The following KCNN2 variants were observed in gnomAD, a reference collection of about 807,000 sequenced individuals.
KCNN2 encodes the protein small conductance calcium-activated potassium channel protein 2.
In KCNN2, 24 loss-of-function variants were observed where a neutral mutation model predicts 55.5. That is an observed-to-expected ratio of 0.43 (90% CI 0.31 to 0.61). KCNN2 has a LOEUF of 0.61. Among genes scored for constraint, KCNN2 ranks in the 20% least tolerant of loss-of-function variants. KCNN2 has a pLI of 0.08. For synonymous variants in KCNN2, 431 were observed against 336.1 expected (o/e 1.28, Z -3.09); for missense variants, 754 against 853.6 (o/e 0.88, Z 1.45).
chr5:114,135,564 G>A (rs903268226), intron 1 of KCNN2, among the ~76,000 whole-genome samples: 5 of 152,098 alleles, frequency 3.3e-5, no homozygotes, highest in Admixed American at 1.3e-4. Flanking sequence ...ACCAATATCA[G>A]GGTTTCTTAA....
chr5:114,185,154 A>G (rs1048797712), intron 1 of KCNN2, among the ~76,000 whole-genome samples: 1 of 152,238 alleles, frequency 6.6e-6, no homozygotes, highest in African/African-American at 2.4e-5. Context: ...GGTTAAAAGG[A>G]AAGAGAGGAA....
chr5:114,365,898 A>T (rs926054259), intron 2 of KCNN2, among the ~76,000 whole-genome samples: 3 of 152,200 alleles, frequency 2.0e-5, no homozygotes, highest in Non-Finnish European at 4.4e-5. Context: ...TCCTTGTGAA[A>T]ATCACACAGC....
intron 2 of KCNN2, among the ~76,000 whole-genome samples, chr5:114,255,079 G>T (rs950934367): frequency 3.9e-5 from 6 of 152,198 alleles, no homozygotes; most frequent in Non-Finnish European, 4.4e-5. Context: ...AGGTATTTAT[G>T]CAGAGAAAAG....
At chr5:114,273,637 G>C (rs1176178653) in intron 2 of KCNN2, among the ~76,000 whole-genome samples, 1 of 152,154 alleles carries the variant, frequency 6.6e-6, no homozygotes, top group Non-Finnish European at 1.5e-5. Context: ...TCTGTTGGCT[G>C]CACAGATGTT....
At chr5:114,248,253 C>G (rs187084381) in intron 2 of KCNN2, among the ~76,000 whole-genome samples, 1 of 152,100 alleles carries the variant, frequency 6.6e-6, no homozygotes, top group Non-Finnish European at 1.5e-5. Context: ...GTGTCATCCT[C>G]TTAATGATAT....
At chr5:114,290,536 A>G (rs1272028393) in intron 2 of KCNN2, among the ~76,000 whole-genome samples, 18 of 151,612 alleles carry the variant, frequency 1.2e-4, no homozygotes, top group African/African-American at 3.9e-4. Flanking sequence ...TTTTTAAAGG[A>G]ACAACTTTTG....
chr5:114,095,061 A>G (rs1751228518), intron 1 of KCNN2, among the ~76,000 whole-genome samples: 1 of 152,150 alleles, frequency 6.6e-6, no homozygotes, highest in African/African-American at 2.4e-5. Flanking sequence ...CTTCTAGAGT[A>G]GAGAGTGAAG....
intron 2 of KCNN2, among the ~76,000 whole-genome samples, chr5:114,294,042 C>T (rs1418139434): frequency 6.6e-6 from 1 of 151,892 alleles, no homozygotes; most frequent in Non-Finnish European, 1.5e-5. Context: ...GGTGATATCC[C>T]CTTTATCATT....
chr5:114,149,853 G>A (rs1257982108), intron 1 of KCNN2, among the ~76,000 whole-genome samples: 1 of 152,160 alleles, frequency 6.6e-6, no homozygotes, highest in Non-Finnish European at 1.5e-5. Flanking sequence ...ATTCTCAGAA[G>A]GGAGTATGCC....
intron 2 of KCNN2, among the ~76,000 whole-genome samples, chr5:114,385,555 A>ACACACG (rs1554085085): frequency 3.3e-5 from 5 of 150,772 alleles, no homozygotes; most frequent in African/African-American, 1.2e-4. Flanking sequence ...ACACACACAC[A>ACACACG]CATTATTGGA....
chr5:114,356,439 AG>A (rs759561119), intron 2 of KCNN2, among the ~76,000 whole-genome samples: 1 of 152,184 alleles, frequency 6.6e-6, no homozygotes, highest in Non-Finnish European at 1.5e-5. Flanking sequence ...AATAAGACTT[AG>A]CATACACAAT....
At chr5:114,398,096 C>G (rs539017608) in intron 2 of KCNN2, among the ~76,000 whole-genome samples, 2 of 152,266 alleles carry the variant, frequency 1.3e-5, no homozygotes, top group Non-Finnish European at 2.9e-5. Flanking sequence ...ATCATGAAAT[C>G]TTTTCTAGGT....
intron 2 of KCNN2, among the ~76,000 whole-genome samples, chr5:114,270,896 G>T (rs1476668975): frequency 1.3e-5 from 2 of 152,140 alleles, no homozygotes; most frequent in East Asian, 1.9e-4. Context: ...TGGGTTCGTG[G>T]TCTCACTGAC....
intron 1 of KCNN2, among the ~76,000 whole-genome samples, chr5:114,119,110 T>A (rs2112593823): frequency 6.6e-6 from 1 of 152,340 alleles, no homozygotes; most frequent in African/African-American, 2.4e-5. Context: ...AAAGCAGTAT[T>A]GCCAGGAGAA....
At chr5:114,147,703 G>A (rs1448447547) in intron 1 of KCNN2, among the ~76,000 whole-genome samples, 1 of 152,188 alleles carries the variant, frequency 6.6e-6, no homozygotes, top group African/African-American at 2.4e-5. Context: ...ATGAGATAAT[G>A]CATAAGTAGG....
intron 2 of KCNN2, among the ~76,000 whole-genome samples, chr5:114,315,225 C>A (rs1327907237): frequency 1.3e-5 from 2 of 152,086 alleles, no homozygotes; most frequent in African/African-American, 4.8e-5. Context: ...AACTATTATA[C>A]CTGGTGAATT....
intron 1 of KCNN2, among the ~76,000 whole-genome samples, chr5:114,073,286 G>C (rs1750616026): frequency 6.6e-6 from 1 of 152,148 alleles, no homozygotes; most frequent in Admixed American, 6.5e-5. Flanking sequence ...TCTTTAAATA[G>C]CTTGATTGCA....
At chr5:114,259,625 T>TA (rs369748913) in intron 2 of KCNN2, among the ~76,000 whole-genome samples, 154 of 147,596 alleles carry the variant, frequency 1.0e-3, no homozygotes, top group South Asian at 3.2e-3. Flanking sequence ...ATAATAATAA[T>TA]AAAAAAAAAA....
chr5:114,223,425 C>A (rs1415912608), intron 2 of KCNN2, among the ~76,000 whole-genome samples: 1 of 152,088 alleles, frequency 6.6e-6, no homozygotes, highest in African/African-American at 2.4e-5. Context: ...TTTTCTTTAG[C>A]CATATTTGAA....
Sources: allele counts gnomAD v4.1 joint callset (sites outside exome capture counted in the v4.1 genomes callset), GRCh38; gene constraint gnomAD v4.1.1; transcripts MANE v1.5; gene names NCBI Gene and HGNC (gene_info 2026-07-23, HGNC 2026-07-21).